Variants in PSMC3 observed in about 807,000 individuals in gnomAD.
The protein encoded by PSMC3 is 26S proteasome regulatory subunit 6A.
PSMC3 carries 11 observed loss-of-function variants against 52.0 expected under a neutral mutation model. The ratio of observed to expected loss-of-function variants is 0.21; its 90% confidence interval spans 0.13 to 0.35. The LOEUF (loss-of-function observed/expected upper bound fraction) is 0.35, where lower values mean the gene tolerates loss of function less well. Ranked by LOEUF, PSMC3 falls within the 10% of genes least tolerant of loss-of-function variation. The pLI is 1.00. For missense variants in PSMC3, 238 were observed against 567.1 expected, an observed-to-expected ratio of 0.42 and a Z score of 5.89; for synonymous variants, 201 against 218.8, an observed-to-expected ratio of 0.92 and a Z score of 0.72.
rs774740441 is a variant in PSMC3, at chr11:47,420,746, G to A, written c.885-19C>T. ...GTCAAAGCTAGGGCACAGGAAGCCC[G>A]AGATGCTGGTGAGGGCACAGCTTAG... is the stretch of plus-strand genomic sequence containing the variant. On this transcript the variant is annotated intron_variant, in intron 8 of 11. Transcript: ENST00000298852. The A allele has an allele frequency of 1.2e-5, 19 of 1,551,286 alleles. No homozygotes were observed. Among genetic ancestry groups the A allele is most frequent in the Middle Eastern group, 1.7e-4 (1 of 6,014 alleles).
chr11:47,426,348 T>C lies in PSMC3; in HGVS notation c.-69A>G, dbSNP rs1163348182. The C allele has an allele frequency of 7.3e-7, 1 of 1,370,738 alleles. No homozygotes were observed. Among genetic ancestry groups the C allele is most frequent in the East Asian group, 2.5e-5 (1 of 39,560 alleles). The allele number at this position is 1,370,738 out of a possible 1,614,324, so 84.9% of individuals were successfully genotyped here. ...AACGGGAGATTAATACCGTCTTTCT[T>C]AAAGCCTTCTCTTGACCAGTGGAAA... On this transcript the variant is annotated 5_prime_UTR_variant, in exon 1 of 12. Coordinates refer to ENST00000298852, the MANE Select transcript of PSMC3 (RefSeq NM_002804.5).
intron 1 of PSMC3, 70 bp from the exon 2 acceptor site, chr11:47,426,020 C>T: frequency 6.8e-7 from 1 of 1,476,458 alleles, no homozygotes; most frequent in Non-Finnish European, 9.4e-7. Flanking sequence ...TTCTCCGAAC[C>T]CACTCACAGC....
At chr11:47,423,102 T>C in intron 6 of PSMC3, 129 bp from the exon 7 acceptor site, 2 of 1,031,220 alleles carry the variant, frequency 1.9e-6, no homozygotes, top group Admixed American at 2.5e-5. Context: ...TCTTTCCCCA[T>C]ATCAAGAGGA....
chr11:47,420,032 G>C (rs576762083), intron 10 of PSMC3, among the ~76,000 whole-genome samples: 1 of 152,266 alleles, frequency 6.6e-6, no homozygotes, highest in South Asian at 2.1e-4. Context: ...CTTCAGATGA[G>C]GGGTGGAGTC....
rs1198419192 is a variant in PSMC3, at chr11:47,422,048, CTT to C, written c.884+524_884+525del. ...GCTTTGGCTTTTTTTGTTTTGTTTT[CTT>C]TTTTTTTTTTTGAGACAGAGTCTCA... On this transcript the variant is annotated intron_variant, in intron 8 of 11. Coordinates refer to ENST00000298852, the MANE Select transcript of PSMC3 (RefSeq NM_002804.5). This position sits in a 1 kb window ranked among gnomAD's most constrained non-coding sequence, Gnocchi z 4.3. 5.7e-5 allele frequency among the ~76,000 whole-genome samples: 8 copies of C among 141,462 alleles called. No homozygotes were observed. Among genetic ancestry groups the C allele is most frequent in the African/African-American group, 5.2e-5 (2 of 38,780 alleles). The allele number at this position is 141,462 out of a possible 152,430, so 92.8% of individuals were successfully genotyped here.
chr11:47,422,899 C>T lies in PSMC3; in HGVS notation c.666G>A (p.Gly222=), dbSNP rs760379205. ...FENLGIQPPK[G]VLMYGPPGTG... ...TCCCTGGGGGCCCATACATCAGCACCCCTTTTGGAGGTTGGATCCCCAAGT... is the reference window on the plus strand; with the variant it reads ...TCCCTGGGGGCCCATACATCAGCACTCCTTTTGGAGGTTGGATCCCCAAGT... The change falls in exon 7 of 12, where the codon GGG becomes GGA. Residue 222 remains glycine, a synonymous_variant. Transcript: ENST00000298852. This position sits in a 1 kb window ranked among gnomAD's most constrained non-coding sequence, Gnocchi z 4.3. 1 of 1,613,846 alleles carries T rather than the reference C, an allele frequency of 6.2e-7. No individual in the cohort carries two copies. Among genetic ancestry groups the T allele is most frequent in the Admixed American group, 1.7e-5 (1 of 59,966 alleles).
chr11:47,419,751 C>A (rs1474494212), intron 10 of PSMC3, among the ~76,000 whole-genome samples: 1 of 151,622 alleles, frequency 6.6e-6, no homozygotes. Context: ...CCCAGCTACT[C>A]GGGAGGCTGA....
intron 6 of PSMC3, 36 bp from the exon 7 acceptor site, chr11:47,423,009 C>T (rs1265037217): frequency 1.3e-6 from 2 of 1,574,672 alleles, no homozygotes; most frequent in Admixed American, 1.9e-5. Context: ...GAGATGAAGC[C>T]CTGAGGGCTT....
Position 47,420,627 on chromosome 11 carries a change from T to C in PSMC3, c.981+4A>G, listed in dbSNP as rs1328359999. 1.3e-6 allele frequency: 2 copies of C among 1,551,680 alleles called. No homozygotes were observed. Among genetic ancestry groups the C allele is most frequent in the Non-Finnish European group, 1.7e-6 (2 of 1,146,790 alleles). On this transcript the variant is annotated splice_donor_region_variant and intron_variant, in intron 9 of 11. Transcript: ENST00000298852. The stretch of plus-strand genomic sequence containing the variant: ...CATCTTTGCCTGGGAGTGCTAATAC[T>C]CACCTTAACTTGGGTGTTGGGCTGG...
chr11:47,423,854 G>T lies in PSMC3; in HGVS notation c.591+192C>A, dbSNP rs567162673. Among the ~76,000 whole-genome samples, 3 of 150,906 alleles carry T rather than the reference G, an allele frequency of 2.0e-5. No individual in the cohort carries two copies. In the South Asian group the frequency reaches 6.3e-4, roughly 32 times the overall value. The stretch of plus-strand genomic sequence containing the variant: ...AGCCTGGGCTCCAGTCCTGGCTCTG[G>T]TCTCTCTGTGATCCTGGGCAAGGCA... On this transcript the variant is annotated intron_variant, in intron 6 of 11. Transcript: ENST00000298852.
In PSMC3 at chr11:47,424,832, C is replaced by A; in HGVS notation, c.286-121G>T. Reference sequence around the variant, plus strand: ...CCCTCCTCCAATAGCCCTGAGCCCACCAAACGTGGGTGCCCCTGCTAAGCC... The same window carrying A: ...CCCTCCTCCAATAGCCCTGAGCCCAACAAACGTGGGTGCCCCTGCTAAGCC... On this transcript the variant is annotated intron_variant, in intron 3 of 11. Coordinates refer to ENST00000298852, the MANE Select transcript of PSMC3 (RefSeq NM_002804.5). This position sits in a 1 kb window ranked among gnomAD's most constrained non-coding sequence, Gnocchi z 4.8. 1.0e-6 allele frequency: 1 copy of A among 957,742 alleles called. No homozygotes were observed. Among genetic ancestry groups the A allele is most frequent in the Non-Finnish European group, 1.6e-6 (1 of 619,094 alleles). 59.3% of individuals were successfully genotyped at this position (957,742 alleles called of 1,614,324 possible). A position where few individuals can be genotyped will look rare whatever the true frequency, so the allele number is the denominator to read the frequency against.
At chr11:47,425,337 G>T in intron 2 of PSMC3, 91 bp from the exon 3 acceptor site, 2 of 1,479,960 alleles carry the variant, frequency 1.4e-6, no homozygotes, top group South Asian at 1.1e-5. Flanking sequence ...GTGCCCAGGG[G>T]ACCCTCCCGC....
intron 6 of PSMC3, 60 bp from the exon 7 acceptor site, chr11:47,423,033 C>T: frequency 1.3e-6 from 2 of 1,500,082 alleles, no homozygotes; most frequent in South Asian, 2.5e-5. Flanking sequence ...CAGCCCAACC[C>T]TTCATGGCTC....
In PSMC3 at chr11:47,425,463, T is replaced by C. The variant is rs950390723; in HGVS notation, c.160-217A>G. ...CCTCCTGGTGAAATAGTGGTAGTAT[T>C]GGAATAAAAGCAGGCCTCCGAGAGA... On this transcript the variant is annotated intron_variant, in intron 2 of 11. Transcript: ENST00000298852. The C allele has an allele frequency of 4.9e-6, 3 of 609,612 alleles. No individual in the cohort carries two copies. The African/African-American group carries it at 5.6e-5, about 11-fold the overall frequency. The allele number at this position is 609,612 out of a possible 1,614,324, so 37.8% of individuals were successfully genotyped here.
In PSMC3 at chr11:47,424,726, A is replaced by G. The variant is rs567505059; in HGVS notation, c.286-15T>C. 18 of 1,588,246 alleles carry G rather than the reference A, an allele frequency of 1.1e-5. No homozygotes were observed. The African/African-American group carries it at 2.0e-4, about 18-fold the overall frequency. On this transcript the variant is annotated splice_polypyrimidine_tract_variant and intron_variant, in intron 3 of 11. Transcript: ENST00000298852. The surrounding 1 kb of genome is among the most constrained non-coding windows in gnomAD (Gnocchi z 4.8). ...ACATCCAGGAGCTGGGAAGGAAAAA[A>G]TACTCAGCTCCTTGAACTCCCCAAG...
intron 8 of PSMC3, among the ~76,000 whole-genome samples, chr11:47,421,249 C>CAAAAAAAAAAAAAAAAAAAAAAAA (rs56344837): frequency 1.6e-5 from 1 of 61,402 alleles, no homozygotes; most frequent in African/African-American, 7.1e-5. Context: ...GACTCCATCT[C>CAAAAAAAAAAAAAAAAAAAAAAAA]AAAAAAAAAA....
Position 47,424,038 on chromosome 11 carries a change from TCC to T in PSMC3, c.591+6_591+7del, listed in dbSNP as rs1308960709. On this transcript the variant is annotated splice_donor_region_variant and intron_variant, in intron 6 of 11. Coordinates refer to ENST00000298852, the MANE Select transcript of PSMC3 (RefSeq NM_002804.5). The surrounding 1 kb of genome is among the most constrained non-coding windows in gnomAD (Gnocchi z 4.8). ...CAAGGCTGCTGGCAGCTGCCGTGCC[TCC>T]CTCACCTCCTGGATCTGCTTGTCCA... 2 of 1,614,144 alleles carry T rather than the reference TCC, an allele frequency of 1.2e-6. No individual in the cohort carries two copies. The highest frequency in any genetic ancestry group is 1.7e-6 in the Non-Finnish European group (2 of 1,180,032).
chr11:47,422,810 A>G lies in PSMC3; in HGVS notation c.735+20T>C, dbSNP rs1361707490. ...TTCTGCTCCTGCCCACTTCCCCCGCATCCCTCCCAAAGTACTCACCTTAGT... is the reference window on the plus strand; with the variant it reads ...TTCTGCTCCTGCCCACTTCCCCCGCGTCCCTCCCAAAGTACTCACCTTAGT... On this transcript the variant is annotated intron_variant, in intron 7 of 11. Coordinates refer to ENST00000298852, the MANE Select transcript of PSMC3 (RefSeq NM_002804.5). This position sits in a 1 kb window ranked among gnomAD's most constrained non-coding sequence, Gnocchi z 4.3. 6.2e-7 allele frequency: 1 copy of G among 1,602,832 alleles called. No individual in the cohort carries two copies. Among genetic ancestry groups the G allele is most frequent in the African/African-American group, 1.3e-5 (1 of 74,644 alleles).
In PSMC3 at chr11:47,422,557, C is replaced by T. The variant is rs751460641; in HGVS notation, c.884+17G>A. 34 of 1,613,692 alleles carry T rather than the reference C, an allele frequency of 2.1e-5. No homozygotes were observed. The highest frequency in any genetic ancestry group is 2.5e-5 in the Non-Finnish European group (30 of 1,179,862). ...TACCGCCACAGAGATCGCTAGGGAC[C>T]CTTGGCCCTCCCTTACCGCTTGGTG... is the stretch of plus-strand genomic sequence containing the variant. On this transcript the variant is annotated intron_variant, in intron 8 of 11. Coordinates refer to ENST00000298852, the MANE Select transcript of PSMC3 (RefSeq NM_002804.5). This position sits in a 1 kb window ranked among gnomAD's most constrained non-coding sequence, Gnocchi z 4.3.
Sources: gnomAD v4.1 joint callset for allele counts (sites outside exome capture counted in the v4.1 genomes callset) on GRCh38, gnomAD v4.1.1 for gene constraint, Gnocchi (gnomAD v3.1) non-coding constraint, MANE v1.5 for transcripts, NCBI Gene and HGNC (gene_info 2026-07-23, HGNC 2026-07-21) for gene names.